Variants in POU2AF2 observed in about 807,000 individuals in gnomAD.
POU2AF2 encodes the protein POU class 2 homeobox associating factor 2, also known as POU domain class 2-associating factor 2.
the POU2AF2 span, among the ~76,000 whole-genome samples, chr11:111,264,351 C>T: frequency 6.6e-6 from 1 of 151,844 alleles, no homozygotes; most frequent in Admixed American, 6.6e-5. Flanking sequence ...CAAAAATTAG[C>T]CTGGCATGGT....
chr11:111,268,838 G>T, the POU2AF2 span, among the ~76,000 whole-genome samples: 2 of 151,724 alleles, frequency 1.3e-5, no homozygotes, highest in East Asian at 3.9e-4. Context: ...ATGAGCCACC[G>T]CACCCAGCCT....
chr11:111,280,164 T>C, the POU2AF2 span, among the ~76,000 whole-genome samples: 1 of 151,258 alleles, frequency 6.6e-6, no homozygotes, highest in Admixed American at 6.6e-5. Flanking sequence ...TTGAAGATTG[T>C]GTCTTCATTC....
chr11:111,274,176 G>A, the POU2AF2 span, among the ~76,000 whole-genome samples: 1 of 152,274 alleles, frequency 6.6e-6, no homozygotes, highest in Middle Eastern at 3.4e-3. Context: ...ATGGGATGGA[G>A]AAGCAAGTGG....
the POU2AF2 span, among the ~76,000 whole-genome samples, chr11:111,282,677 G>A: frequency 6.6e-6 from 1 of 152,230 alleles, no homozygotes; most frequent in African/African-American, 2.4e-5. Flanking sequence ...TGTGGAACGG[G>A]CTGGAATTCT....
the POU2AF2 span, among the ~76,000 whole-genome samples, chr11:111,271,017 G>A: frequency 6.6e-6 from 1 of 152,082 alleles, no homozygotes; most frequent in African/African-American, 2.4e-5. Context: ...TTTTCACCAT[G>A]TCTACACTGC....
At chr11:111,247,233 A>C in the POU2AF2 span, among the ~76,000 whole-genome samples, 2 of 133,394 alleles carry the variant, frequency 1.5e-5, no homozygotes, top group Non-Finnish European at 3.3e-5. Context: ...GTATTTCTTT[A>C]TTCATCCATC....
the POU2AF2 span, among the ~76,000 whole-genome samples, chr11:111,279,900 G>A: frequency 5.9e-5 from 9 of 151,804 alleles, no homozygotes; most frequent in East Asian, 1.4e-3. Flanking sequence ...AAGTAGCCAG[G>A]TGTGGTGGTG....
the POU2AF2 span, among the ~76,000 whole-genome samples, chr11:111,264,546 A>T: frequency 1.5e-5 from 1 of 68,590 alleles, no homozygotes; most frequent in Non-Finnish European, 3.0e-5. Context: ...GAAAGAAAGA[A>T]AGAAAGAAAG....
chr11:111,277,515 A>G, the POU2AF2 span, among the ~76,000 whole-genome samples: 1 of 152,254 alleles, frequency 6.6e-6, no homozygotes, highest in East Asian at 1.9e-4. Context: ...GTCAGCCACA[A>G]TGACATAGAC....
the POU2AF2 span, among the ~76,000 whole-genome samples, chr11:111,276,634 T>G: frequency 7.8e-6 from 1 of 127,414 alleles, no homozygotes; most frequent in Admixed American, 8.4e-5. Flanking sequence ...AGTGTGAGAT[T>G]CCATCACAAA....
the POU2AF2 span, among the ~76,000 whole-genome samples, chr11:111,268,275 C>G: frequency 6.6e-6 from 1 of 152,034 alleles, no homozygotes; most frequent in Admixed American, 6.6e-5. Context: ...ACAGTTGGCA[C>G]CACTGCAATT....
chr11:111,258,935 A>T, the POU2AF2 span, among the ~76,000 whole-genome samples: 1 of 152,210 alleles, frequency 6.6e-6, no homozygotes, highest in Non-Finnish European at 1.5e-5. Flanking sequence ...TGGGTCTTTT[A>T]TGGAGAAAGT....
chr11:111,255,681 A>G, the POU2AF2 span, among the ~76,000 whole-genome samples: 1 of 152,224 alleles, frequency 6.6e-6, no homozygotes, highest in African/African-American at 2.4e-5. Flanking sequence ...TTAAAGCATA[A>G]TTTGTAAACC....
the POU2AF2 span, among the ~76,000 whole-genome samples, chr11:111,272,114 G>A: frequency 2.5e-4 from 38 of 152,280 alleles, 1 homozygote; most frequent in East Asian, 5.2e-3. Flanking sequence ...CCAGGTATGT[G>A]ACATGCAGTT....
the POU2AF2 span, among the ~76,000 whole-genome samples, chr11:111,276,439 G>GAAAAAAAAAAAAAAAAAAAAA: frequency 4.5e-5 from 2 of 44,442 alleles, no homozygotes; most frequent in Admixed American, 2.8e-4. Context: ...CTACTAAAAA[G>GAAAAAAAAAAAAAAAAAAAAA]AAAAAAAAAA....
chr11:111,277,794 T>A, the POU2AF2 span, among the ~76,000 whole-genome samples: 1 of 152,168 alleles, frequency 6.6e-6, no homozygotes, highest in African/African-American at 2.4e-5. Context: ...TGGCACATCC[T>A]ACTTAACCTG....
chr11:111,263,316 T>C, the POU2AF2 span, among the ~76,000 whole-genome samples: 6 of 152,108 alleles, frequency 3.9e-5, no homozygotes, highest in African/African-American at 1.4e-4. Context: ...GGATTTAAAA[T>C]AGACCTGAGT....
chr11:111,245,742 C>A, the POU2AF2 span: 13 of 398,222 alleles, frequency 3.3e-5, no homozygotes, highest in Non-Finnish European at 4.9e-5. Context: ...GCTTTCCCAC[C>A]AGGGTCAGGC....
the POU2AF2 span, among the ~76,000 whole-genome samples, chr11:111,257,743 T>A: frequency 2.5e-4 from 38 of 152,288 alleles, no homozygotes; most frequent in African/African-American, 8.4e-4. Flanking sequence ...TACAGAGAAG[T>A]CTGAATAATT....
Sources: gnomAD v4.1 joint callset for allele counts (sites outside exome capture counted in the v4.1 genomes callset) on GRCh38, gnomAD v4.1.1 for gene constraint, MANE v1.5 for transcripts, NCBI Gene and HGNC (gene_info 2026-07-23, HGNC 2026-07-21) for gene names.